Variants in PDGFD observed in about 807,000 individuals in gnomAD.
The protein encoded by PDGFD is platelet derived growth factor D.
PDGFD carries 30 observed loss-of-function variants against 44.7 expected under a neutral mutation model. That is an observed-to-expected ratio of 0.67 (90% CI 0.50 to 0.91). The LOEUF (loss-of-function observed/expected upper bound fraction) is 0.91, where lower values mean the gene tolerates loss of function less well. Ranked by LOEUF, PDGFD falls within the 40% of genes least tolerant of loss-of-function variation. The pLI, the probability that PDGFD is intolerant of heterozygous loss-of-function variation, is 0.00. For synonymous variants in PDGFD, 173 were observed against 168.4 expected (o/e 1.03, Z -0.21); for missense variants, 445 against 457.8 (o/e 0.97, Z 0.25).
rs981360086 is a variant in PDGFD, at chr11:103,943,510, A to G, written c.714T>C (p.Asn238=). 3 of 1,613,360 alleles carry G rather than the reference A, an allele frequency of 1.9e-6. No homozygotes were observed. The highest frequency in any genetic ancestry group is 2.2e-5 in the South Asian group (2 of 91,036). ...GATACCGAGGGGTGTCCAGATACAT[A>G]TTCTCAAGATCTTCTTGCCATGACT... ...NPESWQEDLE[N]MYLDTPRYRG... Residue 238 remains asparagine (N), a synonymous_variant, in exon 5 of 7, where the codon AAT becomes AAC. Transcript: ENST00000393158.
At chr11:104,111,188 A>T (rs928275151) in intron 1 of PDGFD, among the ~76,000 whole-genome samples, 5 of 151,864 alleles carry the variant, frequency 3.3e-5, no homozygotes, top group Non-Finnish European at 7.4e-5. Context: ...TCCATTCAGA[A>T]GAAACTAAAA....
At chr11:104,159,993 G>A (rs1862366630) in intron 1 of PDGFD, among the ~76,000 whole-genome samples, 1 of 152,092 alleles carries the variant, frequency 6.6e-6, no homozygotes, top group Non-Finnish European at 1.5e-5. Context: ...AATATCCTTA[G>A]AGCTGAACAA....
chr11:104,070,437 T>TA (rs1394919897), intron 1 of PDGFD, among the ~76,000 whole-genome samples: 7 of 152,138 alleles, frequency 4.6e-5, no homozygotes, highest in Admixed American at 2.6e-4. Flanking sequence ...CCTGTTATTC[T>TA]AAAAAAATAG....
At position 103,943,578 on chromosome 11, in the gene PDGFD, C is replaced by G; in HGVS notation, c.646G>C (p.Glu216Gln). The G allele has an allele frequency of 6.2e-7, 1 of 1,613,298 alleles. No individual in the cohort carries two copies. The highest frequency in any genetic ancestry group is 1.1e-5 in the South Asian group (1 of 91,034). ...IADALDKKIA[E>Q]FDTVEDLLKY... ...AGCAGATCTTCCACTGTATCAAATT[C>G]TGCAATTTTTTTGTCCAGAGCATCC... The change falls in exon 5 of 7, where the codon GAA becomes CAA. Residue 216 changes from glutamate (E) to glutamine (Q), a missense_variant. Transcript: ENST00000393158.
chr11:104,086,725 C>A (rs915310048), intron 1 of PDGFD, among the ~76,000 whole-genome samples: 3 of 152,178 alleles, frequency 2.0e-5, no homozygotes, highest in African/African-American at 7.2e-5. Flanking sequence ...TTGCTCAATT[C>A]CCTTAGAGCA....
In PDGFD at chr11:103,943,490, C is replaced by T. The variant is rs760256671; in HGVS notation, c.734G>A (p.Arg245Gln). The T allele has an allele frequency of 1.5e-4, 242 of 1,612,820 alleles. 2 individuals are homozygous for T. Among genetic ancestry groups the T allele is most frequent in the South Asian group, 4.8e-4 (44 of 91,004 alleles). ...DLENMYLDTP[R>Q]YRGRSYHDRK... ...GTCATGGTATGACCTGCCTCGATAC[C>T]GAGGGGTGTCCAGATACATATTCTC... Residue 245 changes from arginine to glutamine, a missense_variant, in exon 5 of 7, where the codon CGG (arginine) becomes CAG (glutamine). Physicochemically the swap from Arg to Gln is conservative, Grantham distance 43. Transcript: ENST00000393158.
intron 3 of PDGFD, among the ~76,000 whole-genome samples, chr11:103,985,728 CT>C (rs1157708157): frequency 1.3e-5 from 2 of 152,116 alleles, no homozygotes; most frequent in African/African-American, 4.8e-5. Flanking sequence ...ACATGGAAGA[CT>C]CTCAGTATCA....
rs547222652 is a variant in PDGFD, at chr11:104,115,257, TCATATATATATATATGTATGTATATA to T, written c.124+48521_124+48546del. ...CTTATTATGGATGAGTAGCATTCTA[TCATATATATATATATGTATGTATATA>T]CATATATATATGACTATATATGATG... On this transcript the variant is annotated intron_variant, in intron 1 of 6. Transcript: ENST00000393158. Among the ~76,000 whole-genome samples the T allele has an allele frequency of 5.5e-3, 832 of 150,218 alleles. 4 individuals carry two copies. Among genetic ancestry groups the T allele is most frequent in the African/African-American group, 9.9e-3 (409 of 41,108 alleles).
At chr11:104,149,875 A>G (rs1862217353) in intron 1 of PDGFD, among the ~76,000 whole-genome samples, 1 of 152,144 alleles carries the variant, frequency 6.6e-6, no homozygotes. Flanking sequence ...TGTTACAATG[A>G]AATGATGGTG....
At chr11:104,094,993 G>A (rs1249144000) in intron 1 of PDGFD, among the ~76,000 whole-genome samples, 1 of 152,092 alleles carries the variant, frequency 6.6e-6, no homozygotes, top group Non-Finnish European at 1.5e-5. Context: ...TCTCCTTCCA[G>A]TTACTCAAAG....
At chr11:103,911,651 C>T (rs375000957) in intron 6 of PDGFD, among the ~76,000 whole-genome samples, 2 of 151,992 alleles carry the variant, frequency 1.3e-5, no homozygotes, top group East Asian at 1.9e-4. Flanking sequence ...CAGAAGTAGG[C>T]TTCAGAAGGT....
In PDGFD at chr11:104,105,657, G is replaced by T. The variant is rs1033794686; in HGVS notation, c.124+58147C>A. Among the ~76,000 whole-genome samples, 5 of 151,950 alleles carry T rather than the reference G, an allele frequency of 3.3e-5. No homozygotes were observed. In the East Asian group the frequency reaches 9.7e-4, roughly 29 times the overall value. Reference sequence around the variant, plus strand: ...GGAGTTAGTAATATTCTGTATAGAGGTGATGGCTCATATAATTCAGCTGTG... The same window carrying T: ...GGAGTTAGTAATATTCTGTATAGAGTTGATGGCTCATATAATTCAGCTGTG... On this transcript the variant is annotated intron_variant, in intron 1 of 6. Coordinates refer to ENST00000393158, the MANE Select transcript of PDGFD (RefSeq NM_025208.5).
chr11:104,163,481 T>G (rs1260734607), intron 1 of PDGFD, among the ~76,000 whole-genome samples: 2 of 152,118 alleles, frequency 1.3e-5, no homozygotes, highest in African/African-American at 2.4e-5. Context: ...CGGCGCAGCT[T>G]GCAACTTTCG....
chr11:103,980,329 G>A (rs892549777), intron 3 of PDGFD, among the ~76,000 whole-genome samples: 2 of 152,070 alleles, frequency 1.3e-5, no homozygotes, highest in Non-Finnish European at 2.9e-5. Flanking sequence ...TATGAGAAAT[G>A]AAGGCCTTTC....
intron 1 of PDGFD, among the ~76,000 whole-genome samples, chr11:104,035,769 T>C (rs1409528246): frequency 6.6e-6 from 1 of 152,122 alleles, no homozygotes; most frequent in African/African-American, 2.4e-5. Flanking sequence ...TGCCATAAAT[T>C]CCTGCTTTTG....
At chr11:104,111,750 G>A (rs1861562101) in intron 1 of PDGFD, among the ~76,000 whole-genome samples, 1 of 152,132 alleles carries the variant, frequency 6.6e-6, no homozygotes, top group South Asian at 2.1e-4. Context: ...CATTTTAGGA[G>A]TCTAAGTAGA....
At chr11:103,929,930 G>A (rs1228943210) in intron 5 of PDGFD, among the ~76,000 whole-genome samples, 1 of 152,270 alleles carries the variant, frequency 6.6e-6, no homozygotes, top group African/African-American at 2.4e-5. Context: ...TCAACCGAGA[G>A]AGAGGGGCTG....
chr11:104,072,709 AG>A (rs1202968713), intron 1 of PDGFD, among the ~76,000 whole-genome samples: 3 of 151,952 alleles, frequency 2.0e-5, no homozygotes, highest in Non-Finnish European at 4.4e-5. Flanking sequence ...TTACTAATGT[AG>A]TGTACATATA....
chr11:104,063,805 A>T (rs1860748298), intron 1 of PDGFD, among the ~76,000 whole-genome samples: 1 of 152,174 alleles, frequency 6.6e-6, no homozygotes, highest in Non-Finnish European at 1.5e-5. Context: ...CTCTGCCCTC[A>T]TGATCCAGTC....
Sources: allele counts gnomAD v4.1 joint callset (sites outside exome capture counted in the v4.1 genomes callset), GRCh38; gene constraint gnomAD v4.1.1; transcripts MANE v1.5; gene names NCBI Gene and HGNC (gene_info 2026-07-23, HGNC 2026-07-21).